Variants in DPP10 observed in about 807,000 individuals in gnomAD.
DPP10 encodes the protein inactive dipeptidyl peptidase 10.
DPP10 carries 33 observed loss-of-function variants against 120.9 expected under a neutral mutation model. The ratio of observed to expected loss-of-function variants is 0.27; its 90% CI spans 0.21 to 0.37. DPP10 has a LOEUF of 0.37. Ranked by LOEUF, DPP10 falls within the 10% of genes least tolerant of loss-of-function variation. The pLI, the probability that DPP10 is intolerant of heterozygous loss-of-function variation, is 1.00. For missense variants in DPP10, 816 were observed against 942.8 expected, an observed-to-expected ratio of 0.87 and a Z score of 1.76; for synonymous variants, 337 against 326.1, an observed-to-expected ratio of 1.03 and a Z score of -0.36.
chr2:114,528,165 C>T (rs1685661174), intron 1 of DPP10, among the ~76,000 whole-genome samples: 1 of 152,170 alleles, frequency 6.6e-6, no homozygotes, highest in African/African-American at 2.4e-5. Context: ...CCCATACACA[C>T]TGCAAGCACA....
chr2:115,785,562 G>C (rs1463385595), intron 17 of DPP10, among the ~76,000 whole-genome samples: 1 of 152,092 alleles, frequency 6.6e-6, no homozygotes, highest in African/African-American at 2.4e-5. Flanking sequence ...GTCCACTCTT[G>C]AAAGGGTGTG....
chr2:115,133,145 G>GTATATATATATATATATATA (rs1246180843), intron 1 of DPP10, among the ~76,000 whole-genome samples: 14 of 28,758 alleles, frequency 4.9e-4, no homozygotes, highest in Admixed American at 1.0e-3. Flanking sequence ...GTGTGTGTGT[G>GTATATATATATATATATATA]TATATATATA....
intron 1 of DPP10, among the ~76,000 whole-genome samples, chr2:114,760,569 C>T (rs908789529): frequency 6.6e-6 from 1 of 151,578 alleles, no homozygotes; most frequent in African/African-American, 2.4e-5. Context: ...CCTAGGCCCT[C>T]TCCCACTTGG....
intron 1 of DPP10, among the ~76,000 whole-genome samples, chr2:114,912,800 T>C (rs1321012790): frequency 6.6e-6 from 1 of 152,192 alleles, no homozygotes; most frequent in East Asian, 1.9e-4. Flanking sequence ...GCAGACTACA[T>C]GATTCTCATG....
intron 1 of DPP10, among the ~76,000 whole-genome samples, chr2:115,088,845 T>C (rs1708999190): frequency 6.6e-6 from 1 of 151,908 alleles, no homozygotes; most frequent in African/African-American, 2.4e-5. Flanking sequence ...TTTATGTTTC[T>C]TTTCCACTGA....
chr2:115,287,165 A>T (rs764900089), intron 1 of DPP10, among the ~76,000 whole-genome samples: 30 of 152,124 alleles, frequency 2.0e-4, no homozygotes, highest in Non-Finnish European at 4.1e-4. Flanking sequence ...GTGTACTAAA[A>T]GTTAGGGAAG....
chr2:114,840,334 A>G (rs2106444955), intron 1 of DPP10, among the ~76,000 whole-genome samples: 1 of 152,230 alleles, frequency 6.6e-6, no homozygotes, highest in Admixed American at 6.5e-5. Context: ...AAAACTCATC[A>G]AAGAGCTAAG....
intron 1 of DPP10, among the ~76,000 whole-genome samples, chr2:114,853,302 C>T (rs1689114451): frequency 6.6e-6 from 1 of 152,048 alleles, no homozygotes; most frequent in African/African-American, 2.4e-5. Context: ...ACTATTAGAA[C>T]TATAACTACT....
intron 17 of DPP10, among the ~76,000 whole-genome samples, chr2:115,790,563 G>A (rs143495445): frequency 1.0e-3 from 152 of 152,108 alleles, no homozygotes; most frequent in African/African-American, 3.6e-3. Context: ...TTGTTCTTCA[G>A]TGCCTAATAT....
intron 5 of DPP10, among the ~76,000 whole-genome samples, chr2:115,685,347 A>G (rs1395754346): frequency 6.6e-6 from 1 of 151,934 alleles, no homozygotes; most frequent in African/African-American, 2.4e-5. Context: ...TACTCATAAA[A>G]CCAAAAAGAT....
chr2:115,681,774 CTCTT>C (rs202015071), intron 5 of DPP10, among the ~76,000 whole-genome samples: 63 of 125,576 alleles, frequency 5.0e-4, no homozygotes, highest in African/African-American at 1.6e-3. Flanking sequence ...CTCCTTCTCT[CTCTT>C]TCTTTCTTTC....
chr2:115,587,806 T>A (rs2082387647), intron 5 of DPP10, among the ~76,000 whole-genome samples: 1 of 152,248 alleles, frequency 6.6e-6, no homozygotes, highest in South Asian at 2.1e-4. Context: ...TGTCCATTTT[T>A]CTTTCAGCTT....
intron 3 of DPP10, among the ~76,000 whole-genome samples, chr2:115,402,919 A>G (rs1441765752): frequency 8.7e-5 from 12 of 137,402 alleles, no homozygotes; most frequent in East Asian, 2.0e-4. Flanking sequence ...ATATGTGTGT[A>G]TATATATATG....
At chr2:115,212,798 A>G (rs1193552418) in intron 1 of DPP10, among the ~76,000 whole-genome samples, 2 of 152,186 alleles carry the variant, frequency 1.3e-5, no homozygotes, top group Non-Finnish European at 2.9e-5. Flanking sequence ...ATATTTGTTC[A>G]TAAATTCTTA....
At chr2:115,323,090 CT>C (rs1395812742) in intron 2 of DPP10, among the ~76,000 whole-genome samples, 1 of 152,178 alleles carries the variant, frequency 6.6e-6, no homozygotes, top group Non-Finnish European at 1.5e-5. Context: ...ATAGCATGCA[CT>C]GCTGTTTGAG....
intron 1 of DPP10, among the ~76,000 whole-genome samples, chr2:115,290,155 A>G (rs2105921582): frequency 6.6e-6 from 1 of 152,278 alleles, no homozygotes; most frequent in Non-Finnish European, 1.5e-5. Flanking sequence ...AACAAGGAAA[A>G]GAGGCCAAAT....
At chr2:114,853,086 A>G (rs1401285854) in intron 1 of DPP10, among the ~76,000 whole-genome samples, 1 of 152,172 alleles carries the variant, frequency 6.6e-6, no homozygotes, top group Non-Finnish European at 1.5e-5. Context: ...CTTTCATGGT[A>G]TGATTTGTAT....
chr2:115,745,235 G>A (rs1043450178), intron 9 of DPP10, among the ~76,000 whole-genome samples: 1 of 116,856 alleles, frequency 8.6e-6, no homozygotes, highest in African/African-American at 2.5e-5. Context: ...GGTATTTCAC[G>A]TTGCACTGTT....
intron 1 of DPP10, among the ~76,000 whole-genome samples, chr2:115,286,499 T>TAAC (rs2060386493): frequency 1.8e-5 from 1 of 54,236 alleles, no homozygotes; most frequent in Non-Finnish European, 4.0e-5. Flanking sequence ...ATAATATATA[T>TAAC]ATATTACATA....
Sources: allele counts gnomAD v4.1 joint callset (sites outside exome capture counted in the v4.1 genomes callset), GRCh38; gene constraint gnomAD v4.1.1; transcripts MANE v1.5; gene names NCBI Gene and HGNC (gene_info 2026-07-23, HGNC 2026-07-21).